THSD4: variants seen among roughly 807,000 people sequenced by gnomAD.
THSD4 encodes thrombospondin type-1 domain-containing protein 4.
A neutral mutation model predicts 119.0 loss-of-function variants in THSD4; 69 were observed. That is an observed-to-expected ratio of 0.58 (90% CI 0.48 to 0.71). The LOEUF is 0.71. Among genes scored for constraint, THSD4 ranks in the 30% least tolerant of loss-of-function variants. The probability of loss-of-function intolerance (pLI) is 0.00; values close to 1 mark genes in which losing one functional copy is unlikely to be tolerated. For missense variants in THSD4, 1,393 were observed against 1,391.1 expected (o/e 1.00, Z -0.02); for synonymous variants, 524 against 540.4 (o/e 0.97, Z 0.42).
chr15:71,553,106 T>C (rs889750243), intron 7 of THSD4, among the ~76,000 whole-genome samples: 4 of 152,232 alleles, frequency 2.6e-5, no homozygotes, highest in Admixed American at 6.5e-5. Context: ...ACCATTCTTG[T>C]ACATTTATAA....
intron 6 of THSD4, among the ~76,000 whole-genome samples, chr15:71,302,473 G>A (rs889820300): frequency 6.6e-6 from 1 of 152,066 alleles, no homozygotes; most frequent in Non-Finnish European, 1.5e-5. Context: ...GCTCAGAGCC[G>A]GCCCCATTTC....
At chr15:71,145,470 C>T (rs757174776) in intron 2 of THSD4, among the ~76,000 whole-genome samples, 38 of 152,080 alleles carry the variant, frequency 2.5e-4, no homozygotes, top group Middle Eastern at 3.4e-3. Context: ...TCTTCTGAAA[C>T]GTAAAGTTTT....
At chr15:71,668,730 CT>C (rs2051464648) in intron 8 of THSD4, among the ~76,000 whole-genome samples, 1 of 152,190 alleles carries the variant, frequency 6.6e-6, no homozygotes, top group Admixed American at 6.5e-5. Flanking sequence ...TTAACAAACT[CT>C]CACAACGTGC....
chr15:71,748,351 C>G, intron 13 of THSD4, 70 bp from the exon 14 acceptor site: 21 of 1,576,622 alleles, frequency 1.3e-5, no homozygotes, highest in Non-Finnish European at 1.8e-5. Context: ...AGGCTGCGGG[C>G]TCCATACTGG....
intron 5 of THSD4, among the ~76,000 whole-genome samples, chr15:71,244,911 C>A (rs537662845): frequency 6.6e-6 from 1 of 152,304 alleles, no homozygotes; most frequent in African/African-American, 2.4e-5. Flanking sequence ...AAAGAGAGGG[C>A]ATTTGGCATC....
At chr15:71,148,196 G>A (rs960739734) in intron 2 of THSD4, among the ~76,000 whole-genome samples, 1 of 152,174 alleles carries the variant, frequency 6.6e-6, no homozygotes, top group Non-Finnish European at 1.5e-5. Flanking sequence ...TGTTGGTCTT[G>A]GTTTGGCTGC....
At chr15:71,239,614 A>G (rs1315752236) in intron 4 of THSD4, among the ~76,000 whole-genome samples, 1 of 152,210 alleles carries the variant, frequency 6.6e-6, no homozygotes, top group Non-Finnish European at 1.5e-5. Flanking sequence ...GAGCACCTAA[A>G]GTAAAATCCC....
chr15:71,387,256 C>T (rs1169567314), intron 6 of THSD4, among the ~76,000 whole-genome samples: 1 of 151,536 alleles, frequency 6.6e-6, no homozygotes, highest in African/African-American at 2.4e-5. Flanking sequence ...TTTTGACTGA[C>T]ATTGTTGTCT....
At chr15:71,233,278 T>A (rs2044075853) in intron 4 of THSD4, among the ~76,000 whole-genome samples, 1 of 152,242 alleles carries the variant, frequency 6.6e-6, no homozygotes, top group African/African-American at 2.4e-5. Context: ...TTAAGATTAC[T>A]GATTTGGTTT....
chr15:71,426,711 T>C (rs552229398), intron 7 of THSD4, among the ~76,000 whole-genome samples: 1 of 152,314 alleles, frequency 6.6e-6, no homozygotes, highest in South Asian at 2.1e-4. Flanking sequence ...CTCTCTCTCT[T>C]ATAAACACCC....
At chr15:71,337,118 G>C (rs1367974533) in intron 6 of THSD4, among the ~76,000 whole-genome samples, 1 of 152,192 alleles carries the variant, frequency 6.6e-6, no homozygotes, top group Admixed American at 6.5e-5. Context: ...CCTTGGTCCT[G>C]GGCTAGGCAG....
intron 7 of THSD4, among the ~76,000 whole-genome samples, chr15:71,589,100 A>T (rs1017764686): frequency 2.6e-5 from 4 of 152,204 alleles, no homozygotes; most frequent in Non-Finnish European, 5.9e-5. Flanking sequence ...TTGGAGATTC[A>T]CATAGTCATG....
chr15:71,365,542 G>A (rs1489208201), intron 6 of THSD4, among the ~76,000 whole-genome samples: 1 of 152,086 alleles, frequency 6.6e-6, no homozygotes, highest in African/African-American at 2.4e-5. Context: ...AAATACAGTG[G>A]GGCGGTGTGG....
At chr15:71,608,239 T>A (rs1363900172) in intron 7 of THSD4, among the ~76,000 whole-genome samples, 1,951 of 66,792 alleles carry the variant, frequency 0.029, 46 homozygotes, top group African/African-American at 0.038. Flanking sequence ...AAAAAAAAAA[T>A]ATATATATAT....
At chr15:71,488,997 T>A (rs2140690516) in intron 7 of THSD4, among the ~76,000 whole-genome samples, 1 of 152,338 alleles carries the variant, frequency 6.6e-6, no homozygotes, top group Admixed American at 6.5e-5. Context: ...AGATTTGCAG[T>A]TAAGTGTGTT....
intron 7 of THSD4, among the ~76,000 whole-genome samples, chr15:71,457,482 G>A (rs75531741): frequency 0.013 from 1,888 of 150,914 alleles, 36 homozygotes; most frequent in African/African-American, 0.038. Context: ...CTGAAATGCC[G>A]TCCAGTCTCC....
At chr15:71,159,327 G>C (rs1018154004) in intron 3 of THSD4, among the ~76,000 whole-genome samples, 1 of 151,992 alleles carries the variant, frequency 6.6e-6, no homozygotes, top group African/African-American at 2.4e-5. Flanking sequence ...TGAATTTTAG[G>C]ATTATTTTTT....
rs566056602 is a variant in THSD4 at position 71,736,193 on chromosome 15, C to T, written c.1631-1539C>T. 2.0e-5 allele frequency among the ~76,000 whole-genome samples: 3 copies of T among 150,356 alleles called. No homozygotes were observed. The South Asian group carries it at 6.3e-4, about 32-fold the overall frequency. ...TGTCTCTCTCACACTCTGTCTCTCT[C>T]TTGCTCTCTGTCTCTCTGTTGCTGT... On this transcript the variant is annotated intron_variant, in intron 10 of 17. Transcript: ENST00000261862.
At chr15:71,724,289 T>TATATA (rs1567119984) in intron 8 of THSD4, among the ~76,000 whole-genome samples, 2 of 26,798 alleles carry the variant, frequency 7.5e-5, no homozygotes, top group African/African-American at 1.3e-4. Flanking sequence ...ATATATATAT[T>TATATA]TTTTTTTTCC....
Sources: gnomAD v4.1 joint callset for allele counts (sites outside exome capture counted in the v4.1 genomes callset) on GRCh38, gnomAD v4.1.1 for gene constraint, MANE v1.5 for transcripts, NCBI Gene and HGNC (gene_info 2026-07-23, HGNC 2026-07-21) for gene names.